The following EDIL3 variants were observed in gnomAD, a reference collection of about 807,000 sequenced individuals.
EDIL3 encodes EGF-like repeat and discoidin I-like domain-containing protein 3.
EDIL3 carries 37 observed loss-of-function variants against 67.4 expected under a neutral mutation model. The observed-to-expected ratio is 0.55, with a 90% CI of 0.42 to 0.72. The LOEUF (loss-of-function observed/expected upper bound fraction) is 0.72. Ranked by LOEUF, EDIL3 falls within the 30% of genes least tolerant of loss-of-function variation. The pLI, the probability that EDIL3 is intolerant of heterozygous loss-of-function variation, is 0.00. For missense variants in EDIL3, 527 were observed against 586.3 expected (o/e 0.90, Z 1.04); for synonymous variants, 195 against 196.3 (o/e 0.99, Z 0.05).
chr5:84,202,672 G>A (rs1476817701), intron 3 of EDIL3, among the ~76,000 whole-genome samples: 3 of 152,102 alleles, frequency 2.0e-5, no homozygotes, highest in Admixed American at 2.0e-4. Flanking sequence ...GAGGGGAAAA[G>A]TTGAGAATAT....
chr5:84,179,883 A>G (rs1485026279), intron 4 of EDIL3, among the ~76,000 whole-genome samples: 1 of 152,164 alleles, frequency 6.6e-6, no homozygotes, highest in African/African-American at 2.4e-5. Context: ...ATAAATAAGA[A>G]TTGGGATTTA....
chr5:84,207,433 G>A (rs1381482850), intron 3 of EDIL3, among the ~76,000 whole-genome samples: 1 of 152,124 alleles, frequency 6.6e-6, no homozygotes, highest in African/African-American at 2.4e-5. Context: ...CATGCTCATG[G>A]GTAGGAAGAA....
At chr5:84,205,803 T>C in intron 3 of EDIL3, among the ~76,000 whole-genome samples, 1 of 151,890 alleles carries the variant, frequency 6.6e-6, no homozygotes, top group East Asian at 1.9e-4. Flanking sequence ...TCTTCTCTCT[T>C]TTTTTCTTTA....
At chr5:84,083,378 C>T (rs987269029) in intron 6 of EDIL3, among the ~76,000 whole-genome samples, 1 of 152,098 alleles carries the variant, frequency 6.6e-6, no homozygotes, top group South Asian at 2.1e-4. Context: ...GAGGCTCCTT[C>T]TTTCTAGGTG....
intron 1 of EDIL3, among the ~76,000 whole-genome samples, chr5:84,312,532 G>C (rs566049423): frequency 7.3e-6 from 1 of 137,676 alleles, no homozygotes; most frequent in Non-Finnish European, 1.5e-5. Context: ...CCTCCCTCCC[G>C]GACAGGGGTG....
Position 84,160,730 on chromosome 5 carries a change from T to C in EDIL3, c.355+19663A>G, listed in dbSNP as rs202208115. On this transcript the variant is annotated intron_variant, in intron 4 of 10. Transcript: ENST00000296591. ...AGGTGTCATTTTCATTTTCTTCTTT[T>C]TTTTCTTTTCTTTTCTTTCCTTTCC... is the stretch of plus-strand genomic sequence containing the variant. Among the ~76,000 whole-genome samples, 4 of 131,574 alleles carry C rather than the reference T, an allele frequency of 3.0e-5. No homozygotes were observed. In the East Asian group the frequency reaches 8.1e-4, roughly 27 times the overall value. 86.3% of individuals were successfully genotyped at this position (131,574 alleles called of 152,430 possible).
chr5:84,169,798 G>A, intron 4 of EDIL3, among the ~76,000 whole-genome samples: 1 of 151,816 alleles, frequency 6.6e-6, no homozygotes, highest in East Asian at 1.9e-4. Flanking sequence ...CCTGTTGAAG[G>A]ACATCTGTGC....
At chr5:84,340,754 A>C (rs1299203483) in intron 1 of EDIL3, among the ~76,000 whole-genome samples, 1 of 151,754 alleles carries the variant, frequency 6.6e-6, no homozygotes, top group East Asian at 1.9e-4. Flanking sequence ...TTCCATTGCC[A>C]GTGAGATAAA....
At chr5:84,114,785 G>A (rs1580333775) in intron 5 of EDIL3, among the ~76,000 whole-genome samples, 1 of 152,276 alleles carries the variant, frequency 6.6e-6, no homozygotes, top group East Asian at 1.9e-4. Context: ...TGTGAATACT[G>A]TGATTCTGTG....
intron 1 of EDIL3, among the ~76,000 whole-genome samples, chr5:84,297,575 G>A (rs1746076011): frequency 6.6e-6 from 1 of 152,160 alleles, no homozygotes; most frequent in African/African-American, 2.4e-5. Context: ...ATGAGAAAAA[G>A]TCAGTTTGAG....
chr5:83,996,094 C>G (rs1339505676), intron 9 of EDIL3, among the ~76,000 whole-genome samples: 1 of 152,048 alleles, frequency 6.6e-6, no homozygotes, highest in African/African-American at 2.4e-5. Flanking sequence ...AAAAGGAGAG[C>G]ACGGTGTTTC....
chr5:84,154,238 T>A (rs1156768443), intron 4 of EDIL3, among the ~76,000 whole-genome samples: 4 of 152,188 alleles, frequency 2.6e-5, no homozygotes, highest in African/African-American at 9.7e-5. Context: ...TATTTCTCCT[T>A]ATAGGAGGAT....
At chr5:84,315,455 A>G (rs1746489783) in intron 1 of EDIL3, among the ~76,000 whole-genome samples, 1 of 152,214 alleles carries the variant, frequency 6.6e-6, no homozygotes, top group Non-Finnish European at 1.5e-5. Flanking sequence ...GTTGTTTCTT[A>G]TATTATAGCA....
chr5:84,324,032 G>A (rs1746699610), intron 1 of EDIL3, among the ~76,000 whole-genome samples: 1 of 151,674 alleles, frequency 6.6e-6, no homozygotes, highest in Non-Finnish European at 1.5e-5. Flanking sequence ...AAAAATCAGA[G>A]GACTTAATCA....
At chr5:84,269,355 A>G (rs1246798778) in intron 1 of EDIL3, among the ~76,000 whole-genome samples, 1 of 152,164 alleles carries the variant, frequency 6.6e-6, no homozygotes, top group Non-Finnish European at 1.5e-5. Context: ...TCACCCTTGT[A>G]CAAATATCTC....
chr5:84,260,434 A>G (rs2112083563), intron 1 of EDIL3, among the ~76,000 whole-genome samples: 1 of 152,314 alleles, frequency 6.6e-6, no homozygotes, highest in Middle Eastern at 3.4e-3. Flanking sequence ...TATTGCCAGC[A>G]ACACATTTTT....
At chr5:84,344,042 A>G (rs970671604) in intron 1 of EDIL3, among the ~76,000 whole-genome samples, 1 of 152,094 alleles carries the variant, frequency 6.6e-6, no homozygotes, top group African/African-American at 2.4e-5. Context: ...TCTACTTTTA[A>G]AAAATGTTGC....
At chr5:84,077,683 T>C (rs1746886569) in intron 6 of EDIL3, among the ~76,000 whole-genome samples, 1 of 151,998 alleles carries the variant, frequency 6.6e-6, no homozygotes, top group African/African-American at 2.4e-5. Context: ...CCCTGACACA[T>C]GGGGATTATG....
At chr5:84,219,217 T>A (rs1744291484) in intron 3 of EDIL3, among the ~76,000 whole-genome samples, 2 of 152,208 alleles carry the variant, frequency 1.3e-5, no homozygotes. Flanking sequence ...AGAATTCTTC[T>A]GCATATTATC....
Sources: allele counts gnomAD v4.1 joint callset (sites outside exome capture counted in the v4.1 genomes callset), GRCh38; gene constraint gnomAD v4.1.1; transcripts MANE v1.5; gene names NCBI Gene and HGNC (gene_info 2026-07-23, HGNC 2026-07-21).